OSBPL1A: variants seen among roughly 807,000 people sequenced by gnomAD.
The protein encoded by OSBPL1A is oxysterol-binding protein-related protein 1.
In OSBPL1A, 80 loss-of-function variants were observed where a neutral mutation model predicts 137.1. The ratio of observed to expected loss-of-function variants is 0.58; its 90% CI spans 0.49 to 0.70. OSBPL1A has a LOEUF of 0.70. Ranked by LOEUF, OSBPL1A falls within the 30% of genes least tolerant of loss-of-function variation. The pLI is 0.00. For synonymous variants in OSBPL1A, 365 were observed against 389.7 expected (o/e 0.94, Z 0.75); for missense variants, 970 against 1,129.4 (o/e 0.86, Z 2.02).
intron 2 of OSBPL1A, among the ~76,000 whole-genome samples, chr18:24,374,771 G>A (rs938577422): frequency 6.6e-6 from 1 of 152,138 alleles, no homozygotes; most frequent in African/African-American, 2.4e-5. Flanking sequence ...CAGCCAAGGA[G>A]CCTTACCTAT....
At chr18:24,246,355 C>T (rs2088886370) in intron 15 of OSBPL1A, among the ~76,000 whole-genome samples, 9 of 152,152 alleles carry the variant, frequency 5.9e-5, no homozygotes, top group Admixed American at 5.9e-4. Flanking sequence ...TTGCAAACCA[C>T]AGCTGAAACT....
intron 7 of OSBPL1A, among the ~76,000 whole-genome samples, chr18:24,319,030 A>G (rs1330547058): frequency 1.3e-5 from 2 of 152,244 alleles, no homozygotes; most frequent in African/African-American, 4.8e-5. Context: ...ACTTCACAAC[A>G]AATTATCATG....
intron 14 of OSBPL1A, among the ~76,000 whole-genome samples, chr18:24,302,955 G>A (rs2632433): frequency 4.6e-5 from 7 of 151,484 alleles, no homozygotes; most frequent in Admixed American, 2.0e-4. Flanking sequence ...GGAAGAGTAA[G>A]GATTCAAGCC....
chr18:24,317,269 T>C (rs1599658460), intron 10 of OSBPL1A, 57 bp from the exon 11 acceptor site: 3 of 1,609,418 alleles, frequency 1.9e-6, no homozygotes, highest in Non-Finnish European at 2.6e-6. Flanking sequence ...GTGAAAAAAA[T>C]TCGTATTTCA....
intron 15 of OSBPL1A, among the ~76,000 whole-genome samples, chr18:24,254,537 C>T (rs553500030): frequency 6.6e-5 from 10 of 152,036 alleles, no homozygotes; most frequent in East Asian, 1.9e-4. Context: ...ATCAATGACG[C>T]GAGGAATTTT....
chr18:24,195,258 A>G (rs1160281368), intron 18 of OSBPL1A, among the ~76,000 whole-genome samples: 2 of 152,150 alleles, frequency 1.3e-5, no homozygotes, highest in Non-Finnish European at 2.9e-5. Context: ...CCATGAGGGC[A>G]CCACTTCACT....
chr18:24,297,205 T>C (rs1353216113), intron 14 of OSBPL1A, among the ~76,000 whole-genome samples: 1 of 152,188 alleles, frequency 6.6e-6, no homozygotes, highest in East Asian at 1.9e-4. Flanking sequence ...GTTTCTGTTT[T>C]TTCCTGGCTT....
At position 24,362,609 on chromosome 18, in the gene OSBPL1A, G is replaced by T. The variant is rs182050805; in HGVS notation, c.282+4283C>A. Among the ~76,000 whole-genome samples, 281 of 152,244 alleles carry T rather than the reference G, an allele frequency of 1.8e-3. 2 individuals carry two copies. Among genetic ancestry groups the T allele is most frequent in the African/African-American group, 6.5e-3 (269 of 41,548 alleles). ...AAATTCACATAAAGCTTCCAATCAC[G>T]TGCTTACGAAATAACCTTTAGGTAT... On this transcript the variant is annotated intron_variant, in intron 4 of 27. Coordinates refer to ENST00000319481, the MANE Select transcript of OSBPL1A (RefSeq NM_080597.4).
At chr18:24,339,981 G>A (rs549234727) in intron 5 of OSBPL1A, among the ~76,000 whole-genome samples, 6 of 152,208 alleles carry the variant, frequency 3.9e-5, no homozygotes, top group African/African-American at 1.4e-4. Context: ...TAAAAATATT[G>A]AAAATTTAAA....
chr18:24,275,131 A>G (rs1443039556), intron 15 of OSBPL1A, among the ~76,000 whole-genome samples: 1 of 152,230 alleles, frequency 6.6e-6, no homozygotes, highest in Non-Finnish European at 1.5e-5. Flanking sequence ...CTGAAAATTA[A>G]GAAGTAGAAA....
At chr18:24,348,539 G>A (rs560557143) in intron 4 of OSBPL1A, among the ~76,000 whole-genome samples, 2 of 152,216 alleles carry the variant, frequency 1.3e-5, no homozygotes, top group African/African-American at 4.8e-5. Flanking sequence ...TTGGGAGGCT[G>A]AGGTAGGTGG....
chr18:24,210,176 T>A (rs1467909784), intron 17 of OSBPL1A, among the ~76,000 whole-genome samples: 1 of 152,068 alleles, frequency 6.6e-6, no homozygotes, highest in Non-Finnish European at 1.5e-5. Context: ...CCTGTAATCC[T>A]AGCACTTTGG....
chr18:24,266,365 G>T (rs1026865199), intron 15 of OSBPL1A, among the ~76,000 whole-genome samples: 5 of 152,190 alleles, frequency 3.3e-5, no homozygotes, highest in African/African-American at 4.8e-5. Flanking sequence ...CCTCTTTGGT[G>T]TTGGGGCCAA....
chr18:24,217,520 G>C (rs534405160), intron 17 of OSBPL1A, among the ~76,000 whole-genome samples: 6 of 152,144 alleles, frequency 3.9e-5, no homozygotes, highest in Admixed American at 3.9e-4. Flanking sequence ...GCCTCCCAAA[G>C]TGCTGGGATT....
At chr18:24,278,917 G>A (rs1388248755) in intron 15 of OSBPL1A, among the ~76,000 whole-genome samples, 1 of 152,142 alleles carries the variant, frequency 6.6e-6, no homozygotes, top group Non-Finnish European at 1.5e-5. Context: ...GAAGTGCTGA[G>A]GAGGGATATT....
chr18:24,388,800 C>CAA lies in OSBPL1A; in HGVS notation c.-3+8853_-3+8854dup, dbSNP rs57143270. ...GGGCGACAAGAGTGAGACTCTGTCT[C>CAA]AAAAAAAAAAAAAAAAAAAAACCAA... On this transcript the variant is annotated intron_variant, in intron 1 of 27. Transcript: ENST00000319481. Among the ~76,000 whole-genome samples, 371 of 82,678 alleles carry CAA rather than the reference C, an allele frequency of 4.5e-3. 4 individuals carry two copies. The highest frequency in any genetic ancestry group is 0.015 in the African/African-American group (331 of 22,444). The allele number at this position is 82,678 out of a possible 152,430, so 54.2% of individuals were successfully genotyped here.
At chr18:24,318,534 A>G in intron 9 of OSBPL1A, 67 bp downstream of exon 9, 3 of 1,341,516 alleles carry the variant, frequency 2.2e-6, no homozygotes, top group South Asian at 2.5e-5. Flanking sequence ...TAAAAGTTTT[A>G]AACAGAAATA....
At chr18:24,325,468 T>C (rs2090957246) in intron 7 of OSBPL1A, among the ~76,000 whole-genome samples, 1 of 152,248 alleles carries the variant, frequency 6.6e-6, no homozygotes, top group Non-Finnish European at 1.5e-5. Context: ...TGAATGCTCT[T>C]CTGCCAGACT....
intron 1 of OSBPL1A, among the ~76,000 whole-genome samples, chr18:24,380,717 T>C (rs1444453604): frequency 2.6e-5 from 4 of 152,172 alleles, no homozygotes; most frequent in African/African-American, 7.2e-5. Context: ...TTTGGGAGAC[T>C]GAGGCGGGTC....
Sources: gnomAD v4.1 joint callset for allele counts (sites outside exome capture counted in the v4.1 genomes callset) on GRCh38, gnomAD v4.1.1 for gene constraint, MANE v1.5 for transcripts, NCBI Gene and HGNC (gene_info 2026-07-23, HGNC 2026-07-21) for gene names.